PTPRK: variants seen among roughly 807,000 people sequenced by gnomAD.
PTPRK encodes protein tyrosine phosphatase receptor type K.
In PTPRK, 75 loss-of-function variants were observed where a neutral mutation model predicts 178.0. That is an observed-to-expected ratio of 0.42 (90% CI 0.35 to 0.51). The LOEUF (loss-of-function observed/expected upper bound fraction) is 0.51. Among genes scored for constraint, PTPRK ranks in the 20% least tolerant of loss-of-function variants. PTPRK has a pLI of 0.02. For synonymous variants in PTPRK, 637 were observed against 620.6 expected (o/e 1.03, Z -0.39); for missense variants, 1,441 against 1,797.8 (o/e 0.80, Z 3.59).
At chr6:128,148,431 C>T (rs901272535) in intron 7 of PTPRK, among the ~76,000 whole-genome samples, 1 of 152,202 alleles carries the variant, frequency 6.6e-6, no homozygotes, top group South Asian at 2.1e-4. Flanking sequence ...ATAATATATA[C>T]TTCTTCCCTC....
In PTPRK at chr6:128,137,520, C is replaced by T. The variant is rs185013120; in HGVS notation, c.1162+46912G>A. Among the ~76,000 whole-genome samples, 324 of 152,154 alleles carry T rather than the reference C, an allele frequency of 2.1e-3. 2 individuals carry two copies. The highest frequency in any genetic ancestry group is 3.9e-3 in the Non-Finnish European group (264 of 67,998). ...ATTCCTCTCAAATTCTGGCAGTAAG[C>T]GACAATCAGTCTATATTATCCATAC... On this transcript the variant is annotated intron_variant, in intron 7 of 29. Transcript: ENST00000368226.
chr6:128,388,079 T>C (rs1839021526), intron 2 of PTPRK, among the ~76,000 whole-genome samples: 1 of 152,238 alleles, frequency 6.6e-6, no homozygotes, highest in Non-Finnish European at 1.5e-5. Flanking sequence ...GAGAATACAA[T>C]GCTGTTTTAA....
intron 2 of PTPRK, among the ~76,000 whole-genome samples, chr6:128,364,538 C>T (rs1415945474): frequency 2.0e-5 from 3 of 151,964 alleles, no homozygotes; most frequent in Non-Finnish European, 4.4e-5. Context: ...CTTTTGGTAA[C>T]ATTTACAAAG....
In PTPRK at chr6:128,083,744, C is replaced by G; in HGVS notation, c.1546G>C (p.Asp516His). ...KIFLNWKEPL[D>H]PNGIITQYEI... Reference sequence around the variant, plus strand: ...TATTGAGTGATGATTCCATTTGGATCCAAAGGTTCTTTCCAGTTCAAGAAG... The same window carrying G: ...TATTGAGTGATGATTCCATTTGGATGCAAAGGTTCTTTCCAGTTCAAGAAG... Residue 516 changes from aspartate to histidine, a missense_variant, in exon 9 of 30, where the codon GAT becomes CAT. This residue lies in a region of PTPRK where 945 missense variants were observed against 1,080.6 expected (regional missense o/e 0.87). Coordinates refer to ENST00000368226, the MANE Select transcript of PTPRK (RefSeq NM_002844.4). The G allele has an allele frequency of 1.2e-6, 2 of 1,603,174 alleles. No individual in the cohort carries two copies. The highest frequency in any genetic ancestry group is 1.7e-6 in the Non-Finnish European group (2 of 1,172,836).
chr6:128,391,272 T>C (rs1839521252), intron 2 of PTPRK, among the ~76,000 whole-genome samples: 1 of 152,150 alleles, frequency 6.6e-6, no homozygotes, highest in African/African-American at 2.4e-5. Flanking sequence ...TCTACGTTAA[T>C]GGCCTCATGT....
In PTPRK at chr6:127,998,676, CAT is replaced by C. The variant is rs761465400; in HGVS notation, c.2679+42_2679+43del. The C allele has an allele frequency of 2.0e-6, 3 of 1,473,616 alleles. No individual in the cohort carries two copies. In the South Asian group the frequency reaches 4.2e-5, roughly 20 times the overall value. The allele number at this position is 1,473,616 out of a possible 1,614,324, so 91.3% of individuals were successfully genotyped here. On this transcript the variant is annotated intron_variant, in intron 16 of 29. Coordinates refer to ENST00000368226, the MANE Select transcript of PTPRK (RefSeq NM_002844.4). ...AAAAATGCTAAATTCCACTGAGTAT[CAT>C]AGTTAAAAATCAAATTCAATACAGT...
chr6:128,266,748 A>AAACT (rs922061623), intron 3 of PTPRK, among the ~76,000 whole-genome samples: 111 of 152,236 alleles, frequency 7.3e-4, no homozygotes, highest in African/African-American at 2.6e-3. Context: ...GAAATAAAAC[A>AAACT]AACTTGTGCT....
At chr6:128,266,006 G>GAC (rs1818889920) in intron 3 of PTPRK, among the ~76,000 whole-genome samples, 1 of 152,080 alleles carries the variant, frequency 6.6e-6, no homozygotes, top group Non-Finnish European at 1.5e-5. Flanking sequence ...CGAGAAAATA[G>GAC]ACCCTCATTA....
At chr6:128,361,883 C>T (rs909410530) in intron 2 of PTPRK, among the ~76,000 whole-genome samples, 1 of 152,060 alleles carries the variant, frequency 6.6e-6, no homozygotes, top group African/African-American at 2.4e-5. Flanking sequence ...AAATGTTGTG[C>T]AAATAGCACA....
chr6:128,497,598 G>C (rs1161187782), intron 1 of PTPRK, among the ~76,000 whole-genome samples: 2 of 152,004 alleles, frequency 1.3e-5, no homozygotes. Flanking sequence ...AAACACCTTG[G>C]CTTCCTTGTT....
intron 7 of PTPRK, among the ~76,000 whole-genome samples, chr6:128,106,865 A>T (rs1256156119): frequency 6.6e-6 from 1 of 152,152 alleles, no homozygotes; most frequent in Non-Finnish European, 1.5e-5. Flanking sequence ...TATTTATAAC[A>T]TTCCAATATA....
chr6:128,343,685 T>C (rs891884216), intron 2 of PTPRK, among the ~76,000 whole-genome samples: 12 of 152,204 alleles, frequency 7.9e-5, no homozygotes, highest in African/African-American at 2.7e-4. Context: ...ACAAACTCCA[T>C]TCAAATGAGG....
In PTPRK at chr6:128,032,855, C is replaced by T. The variant is rs112506819; in HGVS notation, c.2195-23587G>A. Reference sequence around the variant, plus strand: ...TATGTCACTGCGGGAATATCAGCCACGAGAAGAAGAAAAGCACCCTCAGGA... The same window carrying T: ...TATGTCACTGCGGGAATATCAGCCATGAGAAGAAGAAAAGCACCCTCAGGA... On this transcript the variant is annotated intron_variant, in intron 13 of 29. Transcript: ENST00000368226. Among the ~76,000 whole-genome samples, 224 of 152,208 alleles carry T rather than the reference C, an allele frequency of 1.5e-3. 2 individuals carry two copies. Among genetic ancestry groups the T allele is most frequent in the Non-Finnish European group, 1.1e-3 (74 of 68,022 alleles).
chr6:128,008,662 T>C (rs1778702927), intron 14 of PTPRK, among the ~76,000 whole-genome samples: 1 of 151,142 alleles, frequency 6.6e-6, no homozygotes, highest in Non-Finnish European at 1.5e-5. Context: ...CTAAAATTTT[T>C]AGTCAATGAA....
chr6:127,988,815 T>G (rs1776263797), intron 21 of PTPRK, among the ~76,000 whole-genome samples: 1 of 151,996 alleles, frequency 6.6e-6, no homozygotes, highest in Non-Finnish European at 1.5e-5. Flanking sequence ...CTCATTTGTT[T>G]CTTTTTTATA....
At chr6:128,045,190 C>T (rs1025400631) in intron 13 of PTPRK, among the ~76,000 whole-genome samples, 1 of 151,990 alleles carries the variant, frequency 6.6e-6, no homozygotes, top group African/African-American at 2.4e-5. Flanking sequence ...GTATAGTATA[C>T]ATACTTATAT....
At position 128,177,215 on chromosome 6, in the gene PTPRK, C is replaced by A. The variant is rs76548830; in HGVS notation, c.1162+7217G>T. ...TGCCTAGATCTATATCTTTAAAATT[C>A]TATCTAGGTCATTTTCTTCATCATA... On this transcript the variant is annotated intron_variant, in intron 7 of 29. Transcript: ENST00000368226. 2.6e-5 allele frequency among the ~76,000 whole-genome samples: 4 copies of A among 151,808 alleles called. No individual in the cohort carries two copies. In the East Asian group the frequency reaches 7.8e-4, roughly 30 times the overall value.
chr6:128,182,817 C>T (rs1239285832), intron 7 of PTPRK, among the ~76,000 whole-genome samples: 1 of 152,018 alleles, frequency 6.6e-6, no homozygotes, highest in African/African-American at 2.4e-5. Context: ...CATCTGGAAC[C>T]AATTTCAAAT....
At chr6:128,342,638 A>G (rs1831826951) in intron 2 of PTPRK, among the ~76,000 whole-genome samples, 2 of 152,172 alleles carry the variant, frequency 1.3e-5, no homozygotes, top group African/African-American at 4.8e-5. Context: ...CTGGATCTCT[A>G]ATACATTTTC....
Sources: gnomAD v4.1 joint callset for allele counts (sites outside exome capture counted in the v4.1 genomes callset) on GRCh38, gnomAD v4.1.1 for gene constraint, gnomAD v4.1.1 regional missense constraint, MANE v1.5 for transcripts, NCBI Gene and HGNC (gene_info 2026-07-23, HGNC 2026-07-21) for gene names.